The following KDM4C variants were observed in gnomAD, a reference collection of about 807,000 sequenced individuals.
The protein encoded by KDM4C is lysine-specific demethylase 4C.
Under a neutral mutation model 129.3 loss-of-function variants are expected in KDM4C, and 81 were observed. That is an observed-to-expected ratio of 0.63 (90% CI 0.52 to 0.75). KDM4C has a LOEUF of 0.75. Ranked by LOEUF, KDM4C falls within the 30% of genes least tolerant of loss-of-function variation. The pLI is 0.00. For missense variants in KDM4C, 1,457 were observed against 1,304.0 expected, an observed-to-expected ratio of 1.12 and a Z score of -1.81; for synonymous variants, 573 against 456.1, an observed-to-expected ratio of 1.26 and a Z score of -3.26.
intron 17 of KDM4C, among the ~76,000 whole-genome samples, chr9:7,052,984 T>C (rs1564050159): frequency 6.7e-6 from 1 of 148,686 alleles, no homozygotes; most frequent in South Asian, 2.1e-4. Flanking sequence ...CAAAGGACAG[T>C]TTTTTAGTTT....
chr9:7,027,423 T>G (rs977281297), intron 15 of KDM4C, among the ~76,000 whole-genome samples: 4 of 152,222 alleles, frequency 2.6e-5, no homozygotes, highest in Non-Finnish European at 5.9e-5. Flanking sequence ...TCCCTTACTT[T>G]CTTCCAAACA....
At chr9:6,993,651 G>A (rs150860327) in intron 12 of KDM4C, among the ~76,000 whole-genome samples, 1 of 152,310 alleles carries the variant, frequency 6.6e-6, no homozygotes, top group East Asian at 1.9e-4. Context: ...ATGCTCTGGT[G>A]CACCCGTGCA....
chr9:6,849,470 A>C, intron 4 of KDM4C, 37 bp from the exon 5 acceptor site: 4 of 1,494,136 alleles, frequency 2.7e-6, no homozygotes, highest in Non-Finnish European at 3.6e-6. Flanking sequence ...GTTTAGTAAG[A>C]TTTGATTTCT....
intron 4 of KDM4C, among the ~76,000 whole-genome samples, chr9:6,841,354 A>C (rs911230068): frequency 6.6e-6 from 1 of 152,136 alleles, no homozygotes; most frequent in Non-Finnish European, 1.5e-5. Flanking sequence ...AATGGGAAGG[A>C]TGTTGTTGAG....
chr9:7,012,158 TCTGG>T (rs1822835461), intron 13 of KDM4C, among the ~76,000 whole-genome samples: 1 of 152,208 alleles, frequency 6.6e-6, no homozygotes, highest in African/African-American at 2.4e-5. Flanking sequence ...AGGCTTGTAC[TCTGG>T]CTCAGGCGAT....
rs186072050 is a variant in KDM4C at position 6,818,822 on chromosome 9, C to A, written c.435+4077C>A. 4 of 152,264 alleles carry A rather than the reference C, an allele frequency of 2.6e-5. No individual in the cohort carries two copies. The East Asian group carries it at 7.7e-4, about 29-fold the overall frequency. The allele number at this position is 152,264 out of a possible 1,614,324, so 9.4% of individuals were successfully genotyped here. On this transcript the variant is annotated intron_variant, in intron 4 of 21. Coordinates refer to ENST00000381309, the MANE Select transcript of KDM4C (RefSeq NM_015061.6). ...AGGGCCATGACACGCTCTTATCCCC[C>A]ACACCAGTATTAGAGAAGTCATTAT...
At chr9:6,847,224 T>C (rs956176348) in intron 4 of KDM4C, among the ~76,000 whole-genome samples, 10 of 152,222 alleles carry the variant, frequency 6.6e-5, no homozygotes, top group African/African-American at 2.4e-4. Flanking sequence ...TACTTCAGAT[T>C]CATTGCTTCA....
rs1239170896 is a variant in KDM4C at position 6,888,904 on chromosome 9, C to A, written c.783+841C>A. On this transcript the variant is annotated intron_variant, in intron 7 of 21. Coordinates refer to ENST00000381309, the MANE Select transcript of KDM4C (RefSeq NM_015061.6). Reference sequence around the variant, plus strand: ...CCGGGTTCACGCCATTCTCCTGCCTCAGCCTCCCAAGTAGCTGGGACTACA... The same window carrying A: ...CCGGGTTCACGCCATTCTCCTGCCTAAGCCTCCCAAGTAGCTGGGACTACA... 2.9e-5 allele frequency among the ~76,000 whole-genome samples: 2 copies of A among 69,292 alleles called. 1 individual carries two copies. The highest frequency in any genetic ancestry group is 5.6e-5 in the Non-Finnish European group (2 of 35,552). The allele number at this position is 69,292 out of a possible 152,430, so 45.5% of individuals were successfully genotyped here. A position where few individuals can be genotyped will look rare whatever the true frequency, so the allele number is the denominator to read the frequency against.
At chr9:6,984,013 T>G (rs761985138) in intron 9 of KDM4C, among the ~76,000 whole-genome samples, 153 bp from the exon 10 acceptor site, 4 of 152,250 alleles carry the variant, frequency 2.6e-5, no homozygotes, top group African/African-American at 4.8e-5. Context: ...ATTTCAAATT[T>G]AATCATTCAG....
chr9:6,753,416 T>C (rs932746541), upstream of KDM4C, among the ~76,000 whole-genome samples: 3 of 152,192 alleles, frequency 2.0e-5, no homozygotes, highest in Non-Finnish European at 4.4e-5. Context: ...TATAATAGGA[T>C]ACCACAGACT....
intron 15 of KDM4C, among the ~76,000 whole-genome samples, chr9:7,018,024 C>A (rs1356743414): frequency 2.0e-5 from 3 of 152,164 alleles, no homozygotes; most frequent in Non-Finnish European, 2.9e-5. Context: ...GTCCCTGCAT[C>A]AGTGGGCCCA....
At chr9:6,972,726 G>A (rs187383902) in intron 8 of KDM4C, among the ~76,000 whole-genome samples, 20 of 152,278 alleles carry the variant, frequency 1.3e-4, no homozygotes, top group East Asian at 7.7e-4. Flanking sequence ...TTAGTTCTGC[G>A]TGTTGGATAC....
chr9:7,006,022 T>C (rs918369937), intron 12 of KDM4C, among the ~76,000 whole-genome samples: 1 of 152,274 alleles, frequency 6.6e-6, no homozygotes, highest in Non-Finnish European at 1.5e-5. Flanking sequence ...TTTACACTTT[T>C]GTATGAAAAG....
intron 5 of KDM4C, among the ~76,000 whole-genome samples, chr9:6,858,954 C>G (rs1471403345): frequency 6.6e-6 from 1 of 151,328 alleles, no homozygotes; most frequent in African/African-American, 2.4e-5. Context: ...TGTTATTTGC[C>G]CATAGTATAT....
intron 19 of KDM4C, among the ~76,000 whole-genome samples, chr9:7,162,940 A>T (rs1192012484): frequency 1.3e-5 from 2 of 152,144 alleles, no homozygotes; most frequent in Non-Finnish European, 2.9e-5. Context: ...GTAAAGTATC[A>T]CCTTTATGAG....
At chr9:7,094,802 A>G (rs1426057393) in intron 17 of KDM4C, among the ~76,000 whole-genome samples, 1 of 152,176 alleles carries the variant, frequency 6.6e-6, no homozygotes, top group Non-Finnish European at 1.5e-5. Flanking sequence ...ACTCAATCAT[A>G]AATTTCCTCA....
At chr9:7,085,509 G>A (rs553161798) in intron 17 of KDM4C, among the ~76,000 whole-genome samples, 1 of 152,042 alleles carries the variant, frequency 6.6e-6, no homozygotes, top group Non-Finnish European at 1.5e-5. Context: ...TGTAAAATAC[G>A]GGGTCATGAT....
At chr9:7,085,778 C>T (rs1835044460) in intron 17 of KDM4C, among the ~76,000 whole-genome samples, 1 of 152,192 alleles carries the variant, frequency 6.6e-6, no homozygotes, top group Admixed American at 6.5e-5. Flanking sequence ...TGCGTTAACC[C>T]CTCCTGAAGT....
At chr9:6,787,630 A>G (rs1447337310) in intron 1 of KDM4C, among the ~76,000 whole-genome samples, 5 of 152,242 alleles carry the variant, frequency 3.3e-5, no homozygotes, top group Non-Finnish European at 7.3e-5. Flanking sequence ...GCAATCTACA[A>G]TCTGAGCATT....
Sources: allele counts gnomAD v4.1 joint callset (sites outside exome capture counted in the v4.1 genomes callset), GRCh38; gene constraint gnomAD v4.1.1; transcripts MANE v1.5; gene names NCBI Gene and HGNC (gene_info 2026-07-23, HGNC 2026-07-21).